Variants in ZNF117 observed in about 807,000 individuals in gnomAD.
ZNF117 encodes zinc finger protein 117, also known as Krueppel-related zinc finger protein.
In ZNF117, 37 loss-of-function variants were observed where a neutral mutation model predicts 41.2. The ratio of observed to expected loss-of-function variants is 0.90; its 90% CI spans 0.69 to 1.18. The LOEUF is 1.18. Ranked by LOEUF, ZNF117 falls within the 50% of genes most tolerant of loss-of-function variation. The pLI is 0.00. For missense variants in ZNF117, 546 were observed against 557.5 expected (o/e 0.98, Z 0.21); for synonymous variants, 186 against 186.6 (o/e 1.00, Z 0.02).
At chr7:64,979,397 C>T in exon 3 of ZNF117, 1 of 1,610,886 alleles carries the variant, frequency 6.2e-7, no homozygotes. Context: ...GCTGTTTACA[C>T]TCAACCACAC....
chr7:64,979,834 C>T (rs1372721212), intron 2 of ZNF117: 5 of 207,690 alleles, frequency 2.4e-5, no homozygotes, highest in African/African-American at 1.1e-4. Context: ...TCTTTCTGCT[C>T]CTCAGTATAA....
chr7:64,988,323 T>C (rs561523103), intron 1 of ZNF117, among the ~76,000 whole-genome samples: 1 of 152,132 alleles, frequency 6.6e-6, no homozygotes, highest in Non-Finnish European at 1.5e-5. Flanking sequence ...ATATATGTGA[T>C]TCATTACAAA....
chr7:64,979,118 G>C (rs746643280), exon 3 of ZNF117: 7 of 1,612,078 alleles, frequency 4.3e-6, no homozygotes, highest in Admixed American at 1.7e-5. Context: ...GTTTATTAAG[G>C]GTTGAGGACC....
In ZNF117 at chr7:64,990,598, C is replaced by G. The variant is rs1426412990; in HGVS notation, c.-847G>C. ...GCAACATGAGCCTACCTTACTTAAA[C>G]ATGTCTTGTGACCTTGCCATGCTAC... On this transcript the variant is annotated 5_prime_UTR_variant, in exon 1 of 4. The change abolishes an upstream ATG in the 5' untranslated region. Coordinates refer to the ZNF117 transcript ENST00000282869. 2 of 152,274 alleles carry G rather than the reference C, an allele frequency of 1.3e-5. No individual in the cohort carries two copies. Among genetic ancestry groups the G allele is most frequent in the African/African-American group, 2.4e-5 (1 of 41,468 alleles). 9.4% of individuals were successfully genotyped at this position (152,274 alleles called of 1,614,324 possible). A position where few individuals can be genotyped will look rare whatever the true frequency, so the allele number is the denominator to read the frequency against.
chr7:64,973,770 G>A (rs1392112113), downstream of ZNF117: 1 of 151,660 alleles, frequency 6.6e-6, no homozygotes, highest in Non-Finnish European at 1.5e-5. Flanking sequence ...CAAAACTAAA[G>A]GTAATTAGGA....
intron 2 of ZNF117, 194 bp downstream of exon 3, chr7:64,981,193 G>T: frequency 1.5e-6 from 1 of 669,880 alleles, no homozygotes; most frequent in Non-Finnish European, 2.5e-6. Context: ...ATCACTAAAG[G>T]GAAAGAGGAA....
exon 3 of ZNF117, chr7:64,976,461 C>A: frequency 6.5e-6 from 1 of 154,932 alleles, no homozygotes. Context: ...AAAAAACTTT[C>A]ATTTTCTGAT....
chr7:64,981,358 G>C, intron 2 of ZNF117, 29 bp downstream of exon 3: 3 of 1,611,912 alleles, frequency 1.9e-6, no homozygotes, highest in Non-Finnish European at 2.5e-6. Flanking sequence ...CCTCTTCTCT[G>C]TGCCATCTGT....
chr7:64,983,526 A>G (rs960138294), upstream of ZNF117, among the ~76,000 whole-genome samples: 1 of 152,244 alleles, frequency 6.6e-6, no homozygotes, highest in Non-Finnish European at 1.5e-5. Flanking sequence ...AACTAAATGC[A>G]TGGCATTCCA....
chr7:64,982,730 C>G (rs1042846674), upstream of ZNF117, among the ~76,000 whole-genome samples: 6 of 152,084 alleles, frequency 3.9e-5, no homozygotes, highest in Non-Finnish European at 5.9e-5. Context: ...GATATACGCA[C>G]AGAAAACCTA....
At chr7:64,989,372 G>A (rs898976834) in intron 1 of ZNF117, among the ~76,000 whole-genome samples, 1 of 145,060 alleles carries the variant, frequency 6.9e-6, no homozygotes, top group Admixed American at 7.2e-5. Flanking sequence ...GATTGAAACT[G>A]GATGCCTTTC....
exon 3 of ZNF117, chr7:64,978,698 G>T (rs866332434): frequency 6.2e-7 from 1 of 1,612,732 alleles, no homozygotes; most frequent in South Asian, 1.1e-5. Flanking sequence ...GTGTAGTAAG[G>T]GTTGAGGACT....
chr7:64,981,193 G>C, intron 2 of ZNF117, 194 bp downstream of exon 3: 1 of 669,878 alleles, frequency 1.5e-6, no homozygotes, highest in Non-Finnish European at 2.5e-6. Flanking sequence ...ATCACTAAAG[G>C]GAAAGAGGAA....
downstream of ZNF117, chr7:64,972,434 C>CAT (rs1465280225): frequency 6.6e-6 from 1 of 151,912 alleles, no homozygotes; most frequent in Non-Finnish European, 1.5e-5. Context: ...CAATGTGGTA[C>CAT]ATATACACAA....
At chr7:64,984,953 G>T (rs1208072673), upstream of ZNF117, among the ~76,000 whole-genome samples, 1 of 152,086 alleles carries the variant, frequency 6.6e-6, no homozygotes, top group African/African-American at 2.4e-5. Flanking sequence ...ACCACGCCCG[G>T]CTAATTTTTG....
At chr7:64,975,091 T>G (rs2129117666) in exon 3 of ZNF117, 1 of 152,104 alleles carries the variant, frequency 6.6e-6, no homozygotes, top group South Asian at 2.1e-4. Flanking sequence ...TTATTAGAGA[T>G]GTTAGTCCAC....
At chr7:64,979,636 A>C (rs1419644239) in intron 2 of ZNF117, 100 bp from the exon 4 acceptor site, 27 of 924,174 alleles carry the variant, frequency 2.9e-5, no homozygotes, top group Non-Finnish European at 4.0e-5. Flanking sequence ...CATAAGCAAG[A>C]TGGCATAGCA....
At chr7:64,977,871 T>C (rs1448803696) in exon 3 of ZNF117, 1 of 1,168,162 alleles carries the variant, frequency 8.6e-7, no homozygotes, top group African/African-American at 1.5e-5. Flanking sequence ...TGATGATCAA[T>C]TAAAAGCTCT....
chr7:64,975,307 A>C (rs557678816), exon 3 of ZNF117: 45 of 151,470 alleles, frequency 3.0e-4, no homozygotes, highest in Admixed American at 2.5e-3. Flanking sequence ...AAGTACAGTT[A>C]GTAAAATGAT....
Sources: gnomAD v4.1 joint callset for allele counts (sites outside exome capture counted in the v4.1 genomes callset) on GRCh38, gnomAD v4.1.1 for gene constraint, MANE v1.5 for transcripts, NCBI Gene and HGNC (gene_info 2026-07-23, HGNC 2026-07-21) for gene names.